The following ATXN1 variants were observed in gnomAD, a reference collection of about 807,000 sequenced individuals.
ATXN1 encodes the protein ataxin-1.
In ATXN1, 8 loss-of-function variants were observed where a neutral mutation model predicts 56.4. The observed-to-expected ratio is 0.14, with a 90% CI of 0.08 to 0.26. The LOEUF is 0.26. Ranked by LOEUF, ATXN1 falls within the 10% of genes least tolerant of loss-of-function variation. The pLI is 1.00. For synonymous variants in ATXN1, 514 were observed against 494.6 expected, an observed-to-expected ratio of 1.04 and a Z score of -0.52; for missense variants, 987 against 1,106.5, an observed-to-expected ratio of 0.89 and a Z score of 1.53.
chr6:16,627,743 C>T (rs1252132800), intron 3 of ATXN1, among the ~76,000 whole-genome samples: 1 of 151,720 alleles, frequency 6.6e-6, no homozygotes, highest in East Asian at 1.9e-4. Flanking sequence ...AACAAACAAA[C>T]AAAAAAACAG....
At chr6:16,373,160 G>A (rs566623257) in intron 6 of ATXN1, among the ~76,000 whole-genome samples, 1 of 152,278 alleles carries the variant, frequency 6.6e-6, no homozygotes, top group East Asian at 1.9e-4. Context: ...ATGTCTGCCT[G>A]AGACTCATTC....
intron 6 of ATXN1, among the ~76,000 whole-genome samples, chr6:16,400,810 G>C (rs565505210): frequency 6.6e-6 from 1 of 152,190 alleles, no homozygotes; most frequent in Admixed American, 6.5e-5. Flanking sequence ...ACAAGCCAGA[G>C]AAAAGCTCAA....
At chr6:16,639,462 C>T (rs1362791329) in intron 3 of ATXN1, among the ~76,000 whole-genome samples, 2 of 152,126 alleles carry the variant, frequency 1.3e-5, no homozygotes, top group African/African-American at 2.4e-5. Context: ...TACAGGCATG[C>T]CCCACCACAC....
intron 2 of ATXN1, among the ~76,000 whole-genome samples, chr6:16,659,609 G>T (rs2085036976): frequency 6.6e-6 from 1 of 152,124 alleles, no homozygotes; most frequent in South Asian, 2.1e-4. Context: ...TCTTTTTAAA[G>T]TCATACAGAA....
intron 6 of ATXN1, among the ~76,000 whole-genome samples, chr6:16,384,340 C>G (rs188259138): frequency 6.4e-4 from 97 of 152,282 alleles, no homozygotes; most frequent in African/African-American, 2.3e-3. Flanking sequence ...ACTGGTGTGA[C>G]CATGAGATAT....
At chr6:16,417,711 T>C (rs1008267920) in intron 6 of ATXN1, among the ~76,000 whole-genome samples, 2 of 152,162 alleles carry the variant, frequency 1.3e-5, no homozygotes, top group Admixed American at 6.5e-5. Flanking sequence ...GTGCTGGGAC[T>C]ATAGGCGTGA....
chr6:16,384,076 C>T (rs1003824), intron 6 of ATXN1, among the ~76,000 whole-genome samples: 289 of 152,274 alleles, frequency 1.9e-3, no homozygotes, highest in African/African-American at 6.4e-3. Flanking sequence ...AGCCAAGAAA[C>T]GCATGCACCT....
chr6:16,382,144 G>C (rs1758138608), intron 6 of ATXN1, among the ~76,000 whole-genome samples: 1 of 152,040 alleles, frequency 6.6e-6, no homozygotes, highest in African/African-American at 2.4e-5. Flanking sequence ...AGGAGTTTAA[G>C]ACCAGCCTGG....
chr6:16,518,549 G>T (rs368651778), intron 5 of ATXN1, among the ~76,000 whole-genome samples: 1 of 152,024 alleles, frequency 6.6e-6, no homozygotes, highest in Non-Finnish European at 1.5e-5. Context: ...TCTGGCCCCC[G>T]TCTGCCTCAA....
intron 5 of ATXN1, among the ~76,000 whole-genome samples, chr6:16,487,336 A>T (rs2237191): frequency 4.6e-5 from 7 of 152,210 alleles, no homozygotes; most frequent in African/African-American, 1.4e-4. Context: ...TGAGGAAAAA[A>T]AACAAAAAAG....
At chr6:16,480,362 A>G (rs1219574856) in intron 6 of ATXN1, among the ~76,000 whole-genome samples, 1 of 152,074 alleles carries the variant, frequency 6.6e-6, no homozygotes, top group South Asian at 2.1e-4. Context: ...TTCTCAAAGC[A>G]TCCTTTGTCT....
At chr6:16,627,685 C>T (rs1409371692) in intron 3 of ATXN1, among the ~76,000 whole-genome samples, 1 of 152,096 alleles carries the variant, frequency 6.6e-6, no homozygotes, top group African/African-American at 2.4e-5. Flanking sequence ...TGAGATCATG[C>T]CACTGCACTC....
At chr6:16,553,971 T>C (rs1168609535) in intron 4 of ATXN1, among the ~76,000 whole-genome samples, 2 of 152,336 alleles carry the variant, frequency 1.3e-5, no homozygotes, top group East Asian at 3.9e-4. Context: ...TATCCCTTTG[T>C]ACATAAACAT....
Position 16,372,934 on chromosome 6 carries a change from T to TAAAC in ATXN1, c.-160-44468_-160-44465dup, listed in dbSNP as rs58286188. On this transcript the variant is annotated intron_variant, in intron 6 of 7. Transcript: ENST00000436367. ...GTATCAAAATAAATAAATAAATAAA[T>TAAAC]AAACAAACAAACAAACAAACAAACA... 2.1e-3 allele frequency among the ~76,000 whole-genome samples: 318 copies of TAAAC among 148,858 alleles called. 1 individual carries two copies. The highest frequency in any genetic ancestry group is 2.4e-3 in the Non-Finnish European group (163 of 67,286).
chr6:16,338,264 C>T (rs182858061), intron 6 of ATXN1, among the ~76,000 whole-genome samples: 4 of 152,150 alleles, frequency 2.6e-5, no homozygotes, highest in African/African-American at 7.2e-5. Flanking sequence ...GAGGCTGAGG[C>T]GGGCGGATTG....
chr6:16,488,006 G>A (rs1412620736), intron 5 of ATXN1, among the ~76,000 whole-genome samples: 2 of 152,192 alleles, frequency 1.3e-5, no homozygotes, highest in East Asian at 3.9e-4. Flanking sequence ...GAGTCTCCTT[G>A]AAAAAGAAAT....
At chr6:16,531,251 A>T (rs1761498296) in intron 4 of ATXN1, among the ~76,000 whole-genome samples, 1 of 152,234 alleles carries the variant, frequency 6.6e-6, no homozygotes, top group South Asian at 2.1e-4. Flanking sequence ...GCTAAAGATC[A>T]GAGCTACTTC....
intron 6 of ATXN1, among the ~76,000 whole-genome samples, chr6:16,388,623 T>C (rs1758287998): frequency 6.6e-6 from 1 of 152,266 alleles, no homozygotes; most frequent in Non-Finnish European, 1.5e-5. Flanking sequence ...CAGCATTTTA[T>C]GGACCATATC....
intron 6 of ATXN1, among the ~76,000 whole-genome samples, chr6:16,413,651 A>G (rs1008401263): frequency 6.6e-6 from 1 of 152,352 alleles, no homozygotes; most frequent in African/African-American, 2.4e-5. Flanking sequence ...TGAATCGGCA[A>G]TGTGGGCCTC....
Sources: gnomAD v4.1 joint callset for allele counts (sites outside exome capture counted in the v4.1 genomes callset) on GRCh38, gnomAD v4.1.1 for gene constraint, MANE v1.5 for transcripts, NCBI Gene and HGNC (gene_info 2026-07-23, HGNC 2026-07-21) for gene names.